Variants in KLF12 observed in about 807,000 individuals in gnomAD.
KLF12 encodes the protein Krueppel-like factor 12.
KLF12 carries 9 observed loss-of-function variants against 37.8 expected under a neutral mutation model. The observed-to-expected ratio is 0.24, with a 90% CI of 0.14 to 0.42. The LOEUF (loss-of-function observed/expected upper bound fraction) is 0.42, where lower values mean the gene tolerates loss of function less well. Among genes scored for constraint, KLF12 ranks in the 10% least tolerant of loss-of-function variants. KLF12 has a pLI of 1.00. For synonymous variants in KLF12, 208 were observed against 202.1 expected (o/e 1.03, Z -0.25); for missense variants, 411 against 516.0 (o/e 0.80, Z 1.97).
chr13:74,212,567 T>C, the KLF12 span, among the ~76,000 whole-genome samples: 1 of 152,160 alleles, frequency 6.6e-6, no homozygotes, highest in East Asian at 1.9e-4. Flanking sequence ...ATTAAGTATT[T>C]ATGAAATCAA....
At chr13:73,840,061 T>C (rs1884658132) in intron 4 of KLF12, among the ~76,000 whole-genome samples, 1 of 152,154 alleles carries the variant, frequency 6.6e-6, no homozygotes, top group African/African-American at 2.4e-5. Context: ...GGCAGTCTTT[T>C]GTCCCCACCA....
At chr13:73,979,560 TAAAC>T (rs1566491691) in intron 2 of KLF12, among the ~76,000 whole-genome samples, 1 of 151,634 alleles carries the variant, frequency 6.6e-6, no homozygotes, top group Admixed American at 6.6e-5. Flanking sequence ...ACAATGGAAA[TAAAC>T]AAAAGGAAAT....
intron 1 of KLF12, among the ~76,000 whole-genome samples, chr13:74,062,832 C>T (rs551173118): frequency 1.3e-5 from 2 of 152,322 alleles, no homozygotes; most frequent in South Asian, 4.1e-4. Context: ...CAGCTTTTCA[C>T]CATCACCATT....
intron 1 of KLF12, among the ~76,000 whole-genome samples, chr13:74,017,576 A>G (rs1384662490): frequency 7.5e-6 from 1 of 133,426 alleles, no homozygotes; most frequent in Non-Finnish European, 1.6e-5. Context: ...ACCCCCCAAA[A>G]AAAAACCTTT....
At chr13:73,943,924 CAGA>C in intron 3 of KLF12, 54 bp downstream of exon 3, 1 of 1,051,596 alleles carries the variant, frequency 9.5e-7, no homozygotes, top group Non-Finnish European at 1.5e-6. Flanking sequence ...GGATGCTCTG[CAGA>C]AGAATGCCAC....
chr13:73,909,215 CAA>C (rs1341339460), intron 3 of KLF12, among the ~76,000 whole-genome samples: 1 of 152,184 alleles, frequency 6.6e-6, no homozygotes, highest in African/African-American at 2.4e-5. Context: ...GTAAAATTTG[CAA>C]AGTCTTCAAC....
intron 4 of KLF12, among the ~76,000 whole-genome samples, chr13:73,835,875 AC>A (rs1434855329): frequency 6.6e-6 from 1 of 152,148 alleles, no homozygotes; most frequent in Non-Finnish European, 1.5e-5. Context: ...CTGATATCCA[AC>A]CAGAAATGAC....
At chr13:74,041,920 TA>T (rs1893415326) in intron 1 of KLF12, among the ~76,000 whole-genome samples, 1 of 152,148 alleles carries the variant, frequency 6.6e-6, no homozygotes, top group Non-Finnish European at 1.5e-5. Flanking sequence ...TATAAACATC[TA>T]AAAAATATAA....
At position 73,764,851 on chromosome 13, in the gene KLF12, G is replaced by A. The variant is rs530902184; in HGVS notation, c.869+87C>T. ...GCAGGTATGTACTCTGTATAGAGAAGTAGGACTAATTCTCTTAATTTTAAC... is the reference window on the plus strand; with the variant it reads ...GCAGGTATGTACTCTGTATAGAGAAATAGGACTAATTCTCTTAATTTTAAC... On this transcript the variant is annotated intron_variant, in intron 6 of 7. Coordinates refer to ENST00000377669, the MANE Select transcript of KLF12 (RefSeq NM_007249.5). 6 of 755,782 alleles carry A rather than the reference G, an allele frequency of 7.9e-6. No homozygotes were observed. In the East Asian group the frequency reaches 9.8e-5, roughly 12 times the overall value. 46.8% of individuals were successfully genotyped at this position (755,782 alleles called of 1,614,324 possible).
chr13:74,162,704 G>A, the KLF12 span, among the ~76,000 whole-genome samples: 3 of 152,296 alleles, frequency 2.0e-5, no homozygotes, highest in East Asian at 5.8e-4. Flanking sequence ...CCCTGGCAGA[G>A]GTTTGTGGGT....
At chr13:74,205,288 T>C in the KLF12 span, among the ~76,000 whole-genome samples, 1 of 152,146 alleles carries the variant, frequency 6.6e-6, no homozygotes, top group Non-Finnish European at 1.5e-5. Context: ...CAACATTTTA[T>C]AGCACCAGGA....
At chr13:73,773,646 C>T (rs1222128119) in intron 5 of KLF12, among the ~76,000 whole-genome samples, 1 of 152,134 alleles carries the variant, frequency 6.6e-6, no homozygotes. Flanking sequence ...CTCCCCTAAT[C>T]CCTTGGCTGC....
chr13:73,878,335 G>A (rs1289779949), intron 3 of KLF12, among the ~76,000 whole-genome samples: 1 of 151,930 alleles, frequency 6.6e-6, no homozygotes, highest in African/African-American at 2.4e-5. Context: ...TCTTACATGG[G>A]CCAAAAAGAC....
intron 7 of KLF12, among the ~76,000 whole-genome samples, chr13:73,704,927 T>G (rs987494030): frequency 6.6e-6 from 1 of 152,288 alleles, no homozygotes; most frequent in East Asian, 1.9e-4. Context: ...AAATAGAACA[T>G]AGGAGGGTCA....
intron 6 of KLF12, among the ~76,000 whole-genome samples, chr13:73,761,005 G>C (rs1425219538): frequency 6.6e-6 from 1 of 152,072 alleles, no homozygotes; most frequent in African/African-American, 2.4e-5. Context: ...AGCCTACACA[G>C]ACACACCAAA....
At chr13:73,711,857 A>T (rs1042783547) in intron 7 of KLF12, among the ~76,000 whole-genome samples, 3 of 152,232 alleles carry the variant, frequency 2.0e-5, no homozygotes, top group Admixed American at 6.5e-5. Context: ...AATTAAATTT[A>T]AAAACCCCTG....
the KLF12 span, among the ~76,000 whole-genome samples, chr13:74,198,186 A>T: frequency 6.6e-6 from 1 of 152,128 alleles, no homozygotes; most frequent in Admixed American, 6.6e-5. Flanking sequence ...CTGGTCAGAG[A>T]GGCAGACACT....
chr13:73,910,081 A>G (rs930813706), intron 3 of KLF12, among the ~76,000 whole-genome samples: 3 of 152,224 alleles, frequency 2.0e-5, no homozygotes, highest in Admixed American at 2.0e-4. Flanking sequence ...AGTTAAATGT[A>G]TAGCTGGAAA....
the KLF12 span, among the ~76,000 whole-genome samples, chr13:74,218,232 C>T: frequency 0.014 from 2,084 of 152,228 alleles, 53 homozygotes; most frequent in African/African-American, 0.046. Flanking sequence ...CAGTCCCCAT[C>T]TCTTGAGGTT....
Sources: gnomAD v4.1 joint callset for allele counts (sites outside exome capture counted in the v4.1 genomes callset) on GRCh38, gnomAD v4.1.1 for gene constraint, MANE v1.5 for transcripts, NCBI Gene and HGNC (gene_info 2026-07-23, HGNC 2026-07-21) for gene names.